The following CNTNAP5 variants were observed in gnomAD, a reference collection of about 807,000 sequenced individuals.
CNTNAP5 encodes the protein contactin associated protein family member 5, also known as contactin-associated protein-like 5.
In CNTNAP5, 72 loss-of-function variants were observed where a neutral mutation model predicts 150.2. The observed-to-expected ratio is 0.48, with a 90% CI of 0.40 to 0.58. The LOEUF (loss-of-function observed/expected upper bound fraction) is 0.58. CNTNAP5 is among the 20% of genes least tolerant of loss of function. CNTNAP5 has a pLI of 0.00. For synonymous variants in CNTNAP5, 672 were observed against 619.8 expected, an observed-to-expected ratio of 1.08 and a Z score of -1.25; for missense variants, 1,636 against 1,626.2, an observed-to-expected ratio of 1.01 and a Z score of -0.10.
intron 17 of CNTNAP5, among the ~76,000 whole-genome samples, chr2:124,786,664 T>C (rs909018885): frequency 1.3e-5 from 2 of 151,718 alleles, no homozygotes; most frequent in African/African-American, 4.8e-5. Context: ...CAGAAACAGA[T>C]TTCTGGGAGA....
intron 4 of CNTNAP5, among the ~76,000 whole-genome samples, chr2:124,429,583 A>G (rs1692320489): frequency 2.0e-5 from 3 of 152,222 alleles, no homozygotes; most frequent in Admixed American, 6.5e-5. Flanking sequence ...ATATTGCAGA[A>G]GTGCAGAGTG....
chr2:124,170,438 C>T (rs1684903823), intron 1 of CNTNAP5, among the ~76,000 whole-genome samples: 1 of 152,174 alleles, frequency 6.6e-6, no homozygotes, highest in South Asian at 2.1e-4. Flanking sequence ...GCATTGTGTG[C>T]AGATGCTTCT....
At chr2:124,351,886 AAG>A (rs1689881952) in intron 3 of CNTNAP5, among the ~76,000 whole-genome samples, 1 of 152,178 alleles carries the variant, frequency 6.6e-6, no homozygotes, top group South Asian at 2.1e-4. Flanking sequence ...ACACAACACT[AAG>A]AGCTGGTAGT....
chr2:124,623,558 A>G (rs1256536124), intron 12 of CNTNAP5, among the ~76,000 whole-genome samples: 1 of 152,214 alleles, frequency 6.6e-6, no homozygotes, highest in Non-Finnish European at 1.5e-5. Flanking sequence ...CTGTAAAAGG[A>G]GGGTGATGAT....
At chr2:124,336,803 T>C (rs1311373021) in intron 3 of CNTNAP5, among the ~76,000 whole-genome samples, 1 of 152,148 alleles carries the variant, frequency 6.6e-6, no homozygotes, top group Non-Finnish European at 1.5e-5. Context: ...GTTCCAAGTC[T>C]TTGCTATTGT....
intron 11 of CNTNAP5, among the ~76,000 whole-genome samples, chr2:124,592,547 A>T (rs974926602): frequency 1.3e-5 from 2 of 151,754 alleles, no homozygotes; most frequent in Non-Finnish European, 2.9e-5. Context: ...ATAGGAAAAA[A>T]AAATGCTAAA....
chr2:124,274,461 A>G (rs1016015358), intron 3 of CNTNAP5, among the ~76,000 whole-genome samples: 1 of 151,910 alleles, frequency 6.6e-6, no homozygotes, highest in Non-Finnish European at 1.5e-5. Flanking sequence ...TGTGGATTGC[A>G]CAGAAGAACC....
chr2:124,616,776 G>A (rs1315581134), intron 12 of CNTNAP5, among the ~76,000 whole-genome samples: 2 of 151,988 alleles, frequency 1.3e-5, no homozygotes, highest in African/African-American at 2.4e-5. Flanking sequence ...GTTACTATTT[G>A]GCCTAATTTT....
At chr2:124,076,705 A>G (rs1290050832) in intron 1 of CNTNAP5, among the ~76,000 whole-genome samples, 2 of 152,140 alleles carry the variant, frequency 1.3e-5, no homozygotes, top group Non-Finnish European at 2.9e-5. Context: ...AAAGGCAAGA[A>G]TTCCTTTCTA....
At chr2:124,366,508 T>G (rs915708818) in intron 3 of CNTNAP5, among the ~76,000 whole-genome samples, 2 of 152,180 alleles carry the variant, frequency 1.3e-5, no homozygotes, top group Admixed American at 6.5e-5. Flanking sequence ...GCATTCCAAG[T>G]GCAGTGTCCT....
intron 4 of CNTNAP5, among the ~76,000 whole-genome samples, chr2:124,419,155 A>AAAAAAAAC: frequency 6.9e-6 from 1 of 144,540 alleles, no homozygotes; most frequent in East Asian, 2.0e-4. Context: ...AAAAAAAAAA[A>AAAAAAAAC]AAAAAAAACA....
At chr2:124,654,195 G>A (rs1010449970) in intron 13 of CNTNAP5, among the ~76,000 whole-genome samples, 4 of 151,990 alleles carry the variant, frequency 2.6e-5, no homozygotes, top group Admixed American at 2.6e-4. Flanking sequence ...GATGGAAAGT[G>A]GTATCCAGAG....
chr2:124,796,600 T>C (rs1373115133), intron 18 of CNTNAP5, among the ~76,000 whole-genome samples: 1 of 152,206 alleles, frequency 6.6e-6, no homozygotes. Flanking sequence ...TGCATAAATA[T>C]GCAACTTTAA....
At chr2:124,835,397 T>TA (rs1378907018) in intron 19 of CNTNAP5, among the ~76,000 whole-genome samples, 1 of 152,120 alleles carries the variant, frequency 6.6e-6, no homozygotes, top group Non-Finnish European at 1.5e-5. Flanking sequence ...AAAATCCTTT[T>TA]AAAATCTTAG....
Position 124,567,835 on chromosome 2 carries a change from TGATAGATAGATA to T in CNTNAP5, c.1756+4549_1756+4560del, listed in dbSNP as rs10685444. ...TGATTGTGGGATATTAGGGCATAGA[TGATAGATAGATA>T]GATAGATAGATAGATAGATAGATAG... is the stretch of plus-strand genomic sequence containing the variant. On this transcript the variant is annotated intron_variant, in intron 11 of 23. Transcript: ENST00000682447. Among the ~76,000 whole-genome samples, 253 of 132,906 alleles carry T rather than the reference TGATAGATAGATA, an allele frequency of 1.9e-3. 1 individual carries two copies. The highest frequency in any genetic ancestry group is 3.3e-3 in the Admixed American group (39 of 11,788). 87.2% of individuals were successfully genotyped at this position (132,906 alleles called of 152,430 possible). A position where few individuals can be genotyped will look rare whatever the true frequency, so the allele number is the denominator to read the frequency against.
chr2:124,028,726 T>C (rs1680963469), intron 1 of CNTNAP5, among the ~76,000 whole-genome samples: 1 of 152,136 alleles, frequency 6.6e-6, no homozygotes, highest in South Asian at 2.1e-4. Context: ...AAAGTGAAAC[T>C]GGGAGTTAGA....
At chr2:124,625,246 T>C (rs1257708596) in intron 12 of CNTNAP5, among the ~76,000 whole-genome samples, 3 of 152,176 alleles carry the variant, frequency 2.0e-5, no homozygotes, top group African/African-American at 7.2e-5. Context: ...TGTCCGTCAC[T>C]TTCCTCATCT....
At chr2:124,607,204 G>A (rs943280661) in intron 11 of CNTNAP5, among the ~76,000 whole-genome samples, 1 of 152,150 alleles carries the variant, frequency 6.6e-6, no homozygotes, top group Non-Finnish European at 1.5e-5. Context: ...GGGACCGTAA[G>A]CAACTTAGCT....
intron 3 of CNTNAP5, among the ~76,000 whole-genome samples, chr2:124,285,537 C>T (rs1688128702): frequency 2.0e-5 from 3 of 151,890 alleles, no homozygotes; most frequent in Admixed American, 6.6e-5. Context: ...TGGTGGCTCA[C>T]GCCCGTAATC....
Sources: allele counts gnomAD v4.1 joint callset (sites outside exome capture counted in the v4.1 genomes callset), GRCh38; gene constraint gnomAD v4.1.1; transcripts MANE v1.5; gene names NCBI Gene and HGNC (gene_info 2026-07-23, HGNC 2026-07-21).